The following PKD1L3 variants were observed in gnomAD, a reference collection of about 807,000 sequenced individuals.
The protein encoded by PKD1L3 is polycystin 1 like 3, transient receptor potential channel interacting, also known as polycystin-1-like protein 3.
In PKD1L3, 239 loss-of-function variants were observed where a neutral mutation model predicts 184.1. The ratio of observed to expected loss-of-function variants is 1.30; its 90% CI spans 1.17 to 1.45. The LOEUF (loss-of-function observed/expected upper bound fraction) is 1.45. PKD1L3 is among the 40% of genes most tolerant of loss of function. The pLI is 0.00. For missense variants in PKD1L3, 2,660 were observed against 2,067.2 expected (o/e 1.29, Z -5.56); for synonymous variants, 996 against 778.8 (o/e 1.28, Z -4.64).
At chr16:71,961,680 G>A (rs924607652) in intron 16 of PKD1L3, among the ~76,000 whole-genome samples, 1 of 152,080 alleles carries the variant, frequency 6.6e-6, no homozygotes, top group African/African-American at 2.4e-5. Context: ...TTACAGATGA[G>A]TAACAGACCC....
At chr16:71,977,563 T>C (rs147158357) in intron 10 of PKD1L3, 96 bp from the exon 11 acceptor site, 3,217 of 310,136 alleles carry the variant, frequency 0.01, 38 homozygotes, top group Middle Eastern at 0.018. Context: ...CCTAGCTCTT[T>C]TTTTTTTTTT....
chr16:71,971,566 C>T (rs2039709827), intron 12 of PKD1L3, among the ~76,000 whole-genome samples: 2 of 152,112 alleles, frequency 1.3e-5, no homozygotes. Flanking sequence ...ATATCCGATG[C>T]CTTCTGCAAT....
At position 71,949,855 on chromosome 16, in the gene PKD1L3, G is replaced by C; in HGVS notation, c.3546C>G (p.Asp1182Glu). ...TTGAAATCATCCAGCTGGTGGCTTG[G>C]TCTTTGCTCAATTCCAAGCTATAAA... ...TALYSLELSK[D>E]QATSWMISII... The change falls in exon 21 of 30, where the codon GAC becomes GAG. Residue 1182 changes from aspartate to glutamate, a missense_variant. Physicochemically the swap from Asp to Glu is conservative, Grantham distance 45. Coordinates refer to ENST00000620267, the MANE Select transcript of PKD1L3 (RefSeq NM_181536.2). The C allele has an allele frequency of 6.4e-7, 1 of 1,551,568 alleles. No homozygotes were observed. The highest frequency in any genetic ancestry group is 8.7e-7 in the Non-Finnish European group (1 of 1,146,988).
intron 15 of PKD1L3, among the ~76,000 whole-genome samples, chr16:71,964,842 T>G (rs1159614845): frequency 7.0e-6 from 1 of 143,512 alleles, no homozygotes; most frequent in Non-Finnish European, 1.5e-5. Context: ...TCTCTCTATA[T>G]ATATGTATTT....
In PKD1L3 at chr16:71,957,683, G is replaced by C. The variant is rs140052183; in HGVS notation, c.2613-3382C>G. ...ATGGTGGCACATGCCTGTATTTCTA[G>C]CTACTCGGGAGGCTAAGGCAGGACA... On this transcript the variant is annotated intron_variant, in intron 16 of 29. Transcript: ENST00000620267. Among the ~76,000 whole-genome samples the C allele has an allele frequency of 8.5e-3, 1,296 of 152,226 alleles. 9 individuals carry two copies. Among genetic ancestry groups the C allele is most frequent in the Non-Finnish European group, 0.015 (1,019 of 68,006 alleles).
chr16:71,950,122 A>G lies in PKD1L3; in HGVS notation c.3379T>C (p.Ser1127Pro). ...AGGCTTGGTGTGGTGCATTACCTGG[A>G]TGGCTCTTGCTCCGTGGGAAGAATA... The part of the protein sequence containing the change: ...THILPTEQEP[S>P]REVTSFAILS... The change falls in exon 20 of 30, where the codon TCC becomes CCC. Residue 1127 changes from serine to proline, a missense_variant. By Grantham distance (74) the Ser-to-Pro change is moderately conservative (BLOSUM62 -1). Coordinates refer to ENST00000620267, the MANE Select transcript of PKD1L3 (RefSeq NM_181536.2). 6.4e-7 allele frequency: 1 copy of G among 1,551,612 alleles called. No individual in the cohort carries two copies. Among genetic ancestry groups the G allele is most frequent in the Non-Finnish European group, 8.7e-7 (1 of 1,146,686 alleles).
chr16:71,931,495 C>G (rs1183759842), intron 28 of PKD1L3, among the ~76,000 whole-genome samples: 1 of 91,764 alleles, frequency 1.1e-5, no homozygotes, highest in African/African-American at 4.4e-5. Flanking sequence ...TTGAAATGGT[C>G]TTGCTCTCAC....
intron 25 of PKD1L3, among the ~76,000 whole-genome samples, chr16:71,936,837 C>G (rs1380301430): frequency 6.6e-6 from 1 of 152,058 alleles, no homozygotes; most frequent in Non-Finnish European, 1.5e-5. Context: ...TCATATAGGG[C>G]TAATAAAACT....
rs995837263 is a variant in PKD1L3, at chr16:71,969,896, C to A, written c.2163G>T (p.Lys721Asn). Residue 721 changes from lysine (K) to asparagine (N), a missense_variant, in exon 13 of 30, where the codon AAG (lysine) becomes AAT (asparagine). Lys to Asn is a moderately conservative substitution (Grantham distance 94). Coordinates refer to ENST00000620267, the MANE Select transcript of PKD1L3 (RefSeq NM_181536.2). ...TTACCTTCTGCATATCTGCTTGATCCTTTTTCCGAGCCCACACAACTGTGA... is the reference window on the plus strand; with the variant it reads ...TTACCTTCTGCATATCTGCTTGATCATTTTTCCGAGCCCACACAACTGTGA... ...YVITVVWARK[K>N]DQADMQKVKV... is the part of the protein sequence containing the mutation. The A allele has an allele frequency of 1.3e-6, 2 of 1,549,926 alleles. No homozygotes were observed.
At chr16:71,937,542 TC>T in intron 24 of PKD1L3, 123 bp from the exon 25 acceptor site, 1 of 1,061,504 alleles carries the variant, frequency 9.4e-7, no homozygotes, top group Non-Finnish European at 1.3e-6. Context: ...GTCTCAGTGC[TC>T]CACTTAGTAT....
intron 15 of PKD1L3, among the ~76,000 whole-genome samples, 200 bp downstream of exon 15, chr16:71,966,937 T>C (rs1034032961): frequency 1.3e-5 from 2 of 152,196 alleles, no homozygotes; most frequent in Non-Finnish European, 2.9e-5. Context: ...ATTATTCTAC[T>C]ATCCAAAAAA....
At position 71,950,263 on chromosome 16, in the gene PKD1L3, G is replaced by T; in HGVS notation, c.3238C>A (p.Leu1080Met). Residue 1080 changes from leucine (L) to methionine (M), a missense_variant, in exon 20 of 30, where the codon CTG (leucine) becomes ATG (methionine). Transcript: ENST00000620267. ...CCTAAGTGAGATTTCAGCCTCTGCA[G>T]AACTCTATGCAGGTAACAGCAGAAA... ...HHFCCYLHRV[L>M]QRLKSHLGTL... The T allele has an allele frequency of 5.8e-6, 9 of 1,551,498 alleles. No individual in the cohort carries two copies. Among genetic ancestry groups the T allele is most frequent in the South Asian group, 3.6e-5 (3 of 84,048 alleles).
intron 24 of PKD1L3, 107 bp from the exon 25 acceptor site, chr16:71,937,526 TTC>T (rs1299897885): frequency 5.5e-6 from 7 of 1,277,492 alleles, no homozygotes; most frequent in Non-Finnish European, 7.4e-6. Context: ...CATCAAATGT[TTC>T]TGAGTCTCAG....
At chr16:71,986,669 A>T (rs1597369689) in intron 4 of PKD1L3, among the ~76,000 whole-genome samples, 200 bp from the exon 5 acceptor site, 2 of 152,188 alleles carry the variant, frequency 1.3e-5, no homozygotes, top group East Asian at 3.8e-4. Context: ...GATTTATATT[A>T]GTGTATTTAT....
At chr16:71,973,643 G>A in intron 11 of PKD1L3, 126 bp from the exon 12 acceptor site, 3 of 901,830 alleles carry the variant, frequency 3.3e-6, no homozygotes, top group East Asian at 5.3e-5. Flanking sequence ...AGTCACAAAT[G>A]ATTTGAAAGA....
At chr16:71,937,047 A>G (rs2038203752) in intron 25 of PKD1L3, among the ~76,000 whole-genome samples, 2 of 151,930 alleles carry the variant, frequency 1.3e-5, no homozygotes, top group Admixed American at 1.3e-4. Flanking sequence ...CACATCTAAC[A>G]CCATCATCAT....
chr16:71,949,869 C>T lies in PKD1L3; in HGVS notation c.3532G>A (p.Glu1178Lys), dbSNP rs990868854. The T allele has an allele frequency of 1.3e-6, 2 of 1,551,600 alleles. No individual in the cohort carries two copies. The highest frequency in any genetic ancestry group is 1.7e-6 in the Non-Finnish European group (2 of 1,146,998). ...SAFFTALYSL[E>K]LSKDQATSWM... Reference sequence around the variant, plus strand: ...CTGGTGGCTTGGTCTTTGCTCAATTCCAAGCTATAAAGTGCTGTAAAAAAG... The same window carrying T: ...CTGGTGGCTTGGTCTTTGCTCAATTTCAAGCTATAAAGTGCTGTAAAAAAG... The change falls in exon 21 of 30, where the codon GAA becomes AAA. Residue 1178 changes from glutamate to lysine, a missense_variant. Glu to Lys is a moderately conservative substitution (Grantham distance 56). Transcript: ENST00000620267.
chr16:71,952,195 ATTTTTTT>A (rs34849069), intron 18 of PKD1L3, among the ~76,000 whole-genome samples: 15 of 50,792 alleles, frequency 3.0e-4, no homozygotes, highest in Non-Finnish European at 3.9e-4. Flanking sequence ...GGAGCATGTC[ATTTTTTT>A]TTTTTTTTTT....
intron 12 of PKD1L3, among the ~76,000 whole-genome samples, chr16:71,972,446 A>G (rs2039751658): frequency 1.3e-5 from 2 of 151,902 alleles, no homozygotes; most frequent in Non-Finnish European, 2.9e-5. Context: ...GGCCTCCCAA[A>G]GTGCAGGAGG....
Sources: allele counts gnomAD v4.1 joint callset (sites outside exome capture counted in the v4.1 genomes callset), GRCh38; gene constraint gnomAD v4.1.1; transcripts MANE v1.5; gene names NCBI Gene and HGNC (gene_info 2026-07-23, HGNC 2026-07-21).